The following ELF2 variants were observed in gnomAD, a reference collection of about 807,000 sequenced individuals.
The protein encoded by ELF2 is ETS-related transcription factor Elf-2.
A neutral mutation model predicts 54.8 loss-of-function variants in ELF2; 11 were observed. The observed-to-expected ratio is 0.20, with a 90% CI of 0.13 to 0.33. The LOEUF (loss-of-function observed/expected upper bound fraction) is 0.33. Among genes scored for constraint, ELF2 ranks in the 10% least tolerant of loss-of-function variants. The probability of loss-of-function intolerance (pLI) is 1.00; values close to 1 mark genes in which losing one functional copy is unlikely to be tolerated. For missense variants in ELF2, 513 were observed against 703.0 expected, an observed-to-expected ratio of 0.73 and a Z score of 3.06; for synonymous variants, 203 against 245.1, an observed-to-expected ratio of 0.83 and a Z score of 1.61.
chr4:139,070,415 C>T (rs1397753460), intron 6 of ELF2, among the ~76,000 whole-genome samples: 1 of 151,966 alleles, frequency 6.6e-6, no homozygotes, highest in Middle Eastern at 3.4e-3. Flanking sequence ...CTCAGCCTCC[C>T]GAAAAGCTGG....
intron 4 of ELF2, among the ~76,000 whole-genome samples, chr4:139,080,797 T>G (rs1305855956): frequency 6.6e-6 from 1 of 152,116 alleles, no homozygotes; most frequent in Non-Finnish European, 1.5e-5. Flanking sequence ...AATTATTAAT[T>G]AGACTATATT....
Position 139,058,307 on chromosome 4 carries a change from C to T in ELF2, c.*676G>A, listed in dbSNP as rs1454414384. ...TTTTTCTTTTAATAAAAAAGCTTTA[C>T]ACAAACAAGCCATTAGCTTATTTCA... On this transcript the variant is annotated 3_prime_UTR_variant, in exon 10 of 10. Coordinates refer to ENST00000686138, the MANE Select transcript of ELF2 (RefSeq NM_001331036.3). 10 of 151,336 alleles carry T rather than the reference C, an allele frequency of 6.6e-5. No individual in the cohort carries two copies. Among genetic ancestry groups the T allele is most frequent in the South Asian group, 2.1e-4 (1 of 4,822 alleles). 9.4% of individuals were successfully genotyped at this position (151,336 alleles called of 1,614,324 possible).
chr4:139,072,047 A>G lies in ELF2; in HGVS notation c.353-8T>C. Reference sequence around the variant, plus strand: ...GAGGAACAAACACTTCCACTATAAAAAAAAGTTGAAAAATTAAAATTTCCC... The same window carrying G: ...GAGGAACAAACACTTCCACTATAAAGAAAAGTTGAAAAATTAAAATTTCCC... On this transcript the variant is annotated splice_region_variant and splice_polypyrimidine_tract_variant and intron_variant, in intron 5 of 9. Transcript: ENST00000686138. 1.2e-6 allele frequency: 2 copies of G among 1,605,332 alleles called. No individual in the cohort carries two copies. Among genetic ancestry groups the G allele is most frequent in the African/African-American group, 1.3e-5 (1 of 74,202 alleles).
intron 3 of ELF2, among the ~76,000 whole-genome samples, chr4:139,128,970 C>T (rs541866931): frequency 2.6e-5 from 4 of 151,198 alleles, no homozygotes; most frequent in South Asian, 2.1e-4. Context: ...AATGGAGTTT[C>T]GCTCGTTGCC....
intron 4 of ELF2, among the ~76,000 whole-genome samples, chr4:139,122,753 G>A (rs573797725): frequency 1.3e-4 from 20 of 151,140 alleles, no homozygotes; most frequent in East Asian, 4.0e-4. Flanking sequence ...CACCCACCTC[G>A]GCCTCCCAAA....
chr4:139,128,447 CCTTGA>C (rs1384376207), intron 3 of ELF2, among the ~76,000 whole-genome samples: 3 of 152,194 alleles, frequency 2.0e-5, no homozygotes, highest in African/African-American at 4.8e-5. Flanking sequence ...TAGTCTAACT[CCTTGA>C]CTTATCTATA....
At chr4:139,152,897 T>C (rs929449660) in intron 1 of ELF2, among the ~76,000 whole-genome samples, 21 of 144,324 alleles carry the variant, frequency 1.5e-4, no homozygotes, top group Non-Finnish European at 2.4e-4. Flanking sequence ...CATACTTTTT[T>C]TTTTTTTTTT....
intron 4 of ELF2, among the ~76,000 whole-genome samples, chr4:139,113,502 A>T (rs555378798): frequency 4.8e-4 from 73 of 152,290 alleles, no homozygotes; most frequent in South Asian, 2.1e-3. Context: ...CAGAGTTTGC[A>T]GTGAGCCAAG....
At chr4:139,113,714 G>A (rs1445646713) in intron 4 of ELF2, among the ~76,000 whole-genome samples, 2 of 151,874 alleles carry the variant, frequency 1.3e-5, no homozygotes, top group South Asian at 2.1e-4. Flanking sequence ...AATCAGCCAG[G>A]CCTGGTGGTG....
At chr4:139,133,402 C>CATTG (rs1737753566) in intron 3 of ELF2, among the ~76,000 whole-genome samples, 1 of 152,096 alleles carries the variant, frequency 6.6e-6, no homozygotes. Flanking sequence ...TTTAACGTTC[C>CATTG]ATTGATCTAC....
chr4:139,057,884 G>A lies in ELF2; in HGVS notation c.*1099C>T, dbSNP rs1490333302. ...AGATAAATTTCATTTCTATATTTCA[G>A]AAAACCTACTTGAATACACTTTGAA... On this transcript the variant is annotated 3_prime_UTR_variant, in exon 10 of 10. Transcript: ENST00000686138. The A allele has an allele frequency of 6.6e-6, 1 of 152,336 alleles. No individual in the cohort carries two copies. Among genetic ancestry groups the A allele is most frequent in the African/African-American group, 2.4e-5 (1 of 41,334 alleles). 9.4% of individuals were successfully genotyped at this position (152,336 alleles called of 1,614,324 possible).
chr4:139,124,480 T>C (rs1219017946), intron 4 of ELF2, among the ~76,000 whole-genome samples: 1 of 152,180 alleles, frequency 6.6e-6, no homozygotes, highest in Admixed American at 6.5e-5. Flanking sequence ...ATGATTCTTT[T>C]TCTCCATTAA....
At chr4:139,116,523 T>C in intron 4 of ELF2, 1 of 262,194 alleles carries the variant, frequency 3.8e-6, no homozygotes, top group Non-Finnish European at 5.9e-6. Flanking sequence ...TATTATCGTA[T>C]TACTTCTCCT....
At chr4:139,140,580 CCT>C (rs1433031128) in intron 1 of ELF2, among the ~76,000 whole-genome samples, 2 of 151,934 alleles carry the variant, frequency 1.3e-5, no homozygotes, top group African/African-American at 2.4e-5. Flanking sequence ...TAGGGAAACC[CCT>C]GTCTCTACAA....
At chr4:139,099,662 C>T (rs951278971) in intron 4 of ELF2, among the ~76,000 whole-genome samples, 2 of 152,166 alleles carry the variant, frequency 1.3e-5, no homozygotes, top group Admixed American at 6.5e-5. Context: ...ACCTCTTCCT[C>T]CTATACCCAG....
intron 4 of ELF2, 96 bp from the exon 5 acceptor site, chr4:139,073,663 A>G (rs1479480055): frequency 5.5e-6 from 3 of 548,750 alleles, no homozygotes; most frequent in Non-Finnish European, 5.9e-6. Context: ...CTGAAAGAGA[A>G]ATGAAAAATA....
Position 139,057,974 on chromosome 4 carries a change from C to T in ELF2, c.*1009G>A, listed in dbSNP as rs1727257517. On this transcript the variant is annotated 3_prime_UTR_variant, in exon 10 of 10. Transcript: ENST00000686138. ...ATATACAAACTATTATAGTTCAAAACTGAACACTGGTATTTCCCTCATAAA... is the reference window on the plus strand; with the variant it reads ...ATATACAAACTATTATAGTTCAAAATTGAACACTGGTATTTCCCTCATAAA... 1 of 152,382 alleles carries T rather than the reference C, an allele frequency of 6.6e-6. No individual in the cohort carries two copies. The highest frequency in any genetic ancestry group is 2.1e-4 in the South Asian group (1 of 4,818). The allele number at this position is 152,382 out of a possible 1,614,324, so 9.4% of individuals were successfully genotyped here. A position where few individuals can be genotyped will look rare whatever the true frequency, so the allele number is the denominator to read the frequency against.
intron 3 of ELF2, among the ~76,000 whole-genome samples, chr4:139,130,971 T>G (rs1737431667): frequency 6.6e-6 from 1 of 152,168 alleles, no homozygotes; most frequent in Admixed American, 6.5e-5. Flanking sequence ...GTAGCTATTT[T>G]TATGGGAGAA....
At position 139,151,029 on chromosome 4, in the gene ELF2, A is replaced by AG. The variant is rs1560870857; in HGVS notation, c.-251-11533_-251-11532insC. ...ACGGAACGAGGCTCCATCTCAAAAA[A>AG]AAAAAAGAAAGAAAGAAAGAAAGAA... On this transcript the variant is annotated intron_variant, in intron 1 of 9. Transcript: ENST00000686138. Among the ~76,000 whole-genome samples the AG allele has an allele frequency of 1.5e-3, 192 of 128,014 alleles. 8 individuals carry two copies. The highest frequency in any genetic ancestry group is 5.9e-3 in the African/African-American group (173 of 29,258). 84.0% of individuals were successfully genotyped at this position (128,014 alleles called of 152,430 possible).
Sources: gnomAD v4.1 joint callset for allele counts (sites outside exome capture counted in the v4.1 genomes callset) on GRCh38, gnomAD v4.1.1 for gene constraint, MANE v1.5 for transcripts, NCBI Gene and HGNC (gene_info 2026-07-23, HGNC 2026-07-21) for gene names.